PDE4D: variants seen among roughly 807,000 people sequenced by gnomAD.
PDE4D encodes the protein phosphodiesterase 4D.
PDE4D carries 24 observed loss-of-function variants against 87.4 expected under a neutral mutation model. That is an observed-to-expected ratio of 0.27 (90% CI 0.20 to 0.39). PDE4D has a LOEUF of 0.39. PDE4D is among the 10% of genes least tolerant of loss of function. The pLI is 1.00. For missense variants in PDE4D, 714 were observed against 1,041.0 expected (o/e 0.69, Z 4.32); for synonymous variants, 384 against 383.2 (o/e 1.00, Z -0.02).
intron 1 of PDE4D, among the ~76,000 whole-genome samples, chr5:59,278,495 C>T (rs1213590279): frequency 1.3e-5 from 2 of 151,950 alleles, no homozygotes; most frequent in Non-Finnish European, 2.9e-5. Context: ...ATAGACTGTA[C>T]CATAGATGTA....
At chr5:60,366,823 A>C (rs1760592578) in intron 1 of PDE4D, among the ~76,000 whole-genome samples, 3 of 152,252 alleles carry the variant, frequency 2.0e-5, no homozygotes, top group Admixed American at 6.5e-5. Context: ...AAACATGCAC[A>C]TGAAATTCAA....
At chr5:59,182,550 GCT>G (rs1203842839) in intron 4 of PDE4D, among the ~76,000 whole-genome samples, 3 of 151,708 alleles carry the variant, frequency 2.0e-5, no homozygotes, top group Non-Finnish European at 2.9e-5. Flanking sequence ...TTTAGTCCTT[GCT>G]CTGTGAAAAT....
At chr5:59,829,825 C>T (rs936771602) in intron 1 of PDE4D, among the ~76,000 whole-genome samples, 3 of 151,814 alleles carry the variant, frequency 2.0e-5, no homozygotes, top group Admixed American at 1.3e-4. Flanking sequence ...AGCAGTAGGG[C>T]GAGAGAGGCC....
At chr5:59,456,251 T>C (rs1799908420) in intron 1 of PDE4D, among the ~76,000 whole-genome samples, 1 of 152,172 alleles carries the variant, frequency 6.6e-6, no homozygotes, top group African/African-American at 2.4e-5. Context: ...GGAAACCCAG[T>C]GGGAGGTGAT....
rs116888094 is a variant in PDE4D, at chr5:60,191,583, C to A, written c.-89-5896G>T. Among the ~76,000 whole-genome samples, 462 of 152,272 alleles carry A rather than the reference C, an allele frequency of 3.0e-3. 6 individuals are homozygous for A. The highest frequency in any genetic ancestry group is 0.023 in the East Asian group (119 of 5,184). ...AACTGTAAGCCAATTAAACCTCTTA[C>A]CTTTATAAATTGCCCAGTCTTGAGC... On this transcript the variant is annotated intron_variant, in intron 1 of 16. Coordinates refer to the PDE4D transcript ENST00000502484.
intron 1 of PDE4D, among the ~76,000 whole-genome samples, chr5:59,400,466 A>G (rs530052692): frequency 2.7e-4 from 40 of 148,012 alleles, no homozygotes; most frequent in Middle Eastern, 3.4e-3. Context: ...CATCATTCTC[A>G]GTAAACTATT....
At chr5:60,458,468 G>A (rs1380563474) in intron 1 of PDE4D, among the ~76,000 whole-genome samples, 1 of 150,030 alleles carries the variant, frequency 6.7e-6, no homozygotes, top group African/African-American at 2.5e-5. Flanking sequence ...GCAGCATTTT[G>A]GAATGACACG....
At chr5:60,426,251 T>C (rs1743703224) in intron 1 of PDE4D, among the ~76,000 whole-genome samples, 1 of 152,194 alleles carries the variant, frequency 6.6e-6, no homozygotes, top group African/African-American at 2.4e-5. Context: ...TGCGGCACTA[T>C]TCACAATAGC....
chr5:60,304,368 G>C (rs568922321), intron 1 of PDE4D, among the ~76,000 whole-genome samples: 1 of 151,982 alleles, frequency 6.6e-6, no homozygotes, highest in Non-Finnish European at 1.5e-5. Context: ...GAGAAGGGCC[G>C]GGCGCGGTGG....
chr5:59,340,340 A>G (rs1778500055), intron 1 of PDE4D, among the ~76,000 whole-genome samples: 1 of 152,180 alleles, frequency 6.6e-6, no homozygotes, highest in Non-Finnish European at 1.5e-5. Flanking sequence ...TAAATTTTTA[A>G]AAAGCCATAT....
chr5:60,499,611 C>T (rs979173379), intron 1 of PDE4D, among the ~76,000 whole-genome samples: 6 of 152,164 alleles, frequency 3.9e-5, no homozygotes, highest in African/African-American at 1.4e-4. Flanking sequence ...CTTTCCAAAA[C>T]TTGGTGCTTA....
rs1346455743 is a variant in PDE4D at position 60,442,467 on chromosome 5, G to C, written c.-90+45475C>G. On this transcript the variant is annotated intron_variant, in intron 1 of 16. Coordinates refer to the PDE4D transcript ENST00000502484. ...GGGTGGGGGGACTAGGGGAGGGATAGAGGAAATACCTAATGTAGATGACGG... is the reference window on the plus strand; with the variant it reads ...GGGTGGGGGGACTAGGGGAGGGATACAGGAAATACCTAATGTAGATGACGG... Among the ~76,000 whole-genome samples, 8 of 152,142 alleles carry C rather than the reference G, an allele frequency of 5.3e-5. No homozygotes were observed. The East Asian group carries it at 1.5e-3, about 29-fold the overall frequency.
chr5:60,336,442 G>A (rs1757756581), intron 1 of PDE4D, among the ~76,000 whole-genome samples: 1 of 152,170 alleles, frequency 6.6e-6, no homozygotes, highest in Admixed American at 6.6e-5. Context: ...ACCCTAGTGT[G>A]TGCTTCCACC....
chr5:59,504,898 G>T (rs953186198), intron 1 of PDE4D, among the ~76,000 whole-genome samples: 2 of 117,340 alleles, frequency 1.7e-5, no homozygotes, highest in South Asian at 2.6e-4. Flanking sequence ...CTTGGTAGGG[G>T]TATATGTGTG....
chr5:60,376,641 C>A (rs145652469), intron 1 of PDE4D, among the ~76,000 whole-genome samples: 24 of 152,326 alleles, frequency 1.6e-4, no homozygotes, highest in African/African-American at 4.8e-4. Flanking sequence ...TGAATAGGCT[C>A]TGGTGATGTG....
At chr5:59,075,414 C>T (rs942437091) in intron 5 of PDE4D, among the ~76,000 whole-genome samples, 4 of 151,904 alleles carry the variant, frequency 2.6e-5, no homozygotes, top group African/African-American at 4.8e-5. Flanking sequence ...GGAGATTCCG[C>T]AAAATTAGTA....
At chr5:59,484,294 T>G (rs1457516569) in intron 1 of PDE4D, among the ~76,000 whole-genome samples, 1 of 152,190 alleles carries the variant, frequency 6.6e-6, no homozygotes, top group Non-Finnish European at 1.5e-5. Context: ...TGATTCAGTA[T>G]CTGATGAATA....
At chr5:59,447,343 T>C (rs1025831541) in intron 1 of PDE4D, among the ~76,000 whole-genome samples, 1 of 152,156 alleles carries the variant, frequency 6.6e-6, no homozygotes, top group Non-Finnish European at 1.5e-5. Flanking sequence ...AAAAGGTGAG[T>C]GTAGGGAAGG....
At chr5:60,357,125 C>T (rs1477510083) in intron 1 of PDE4D, among the ~76,000 whole-genome samples, 2 of 151,576 alleles carry the variant, frequency 1.3e-5, no homozygotes, top group Non-Finnish European at 2.9e-5. Flanking sequence ...GGAGAGGGTA[C>T]CAGGAGACAG....
Sources: gnomAD v4.1 joint callset for allele counts (sites outside exome capture counted in the v4.1 genomes callset) on GRCh38, gnomAD v4.1.1 for gene constraint, MANE v1.5 for transcripts, NCBI Gene and HGNC (gene_info 2026-07-23, HGNC 2026-07-21) for gene names.